GNA11: variants seen among roughly 807,000 people sequenced by gnomAD.
GNA11 encodes G protein subunit alpha 11.
A neutral mutation model predicts 38.2 loss-of-function variants in GNA11; 8 were observed. The observed-to-expected ratio is 0.21, with a 90% CI of 0.12 to 0.38. The LOEUF is 0.38. Among genes scored for constraint, GNA11 ranks in the 10% least tolerant of loss-of-function variants. The pLI is 1.00. For missense variants in GNA11, 268 were observed against 516.3 expected (o/e 0.52, Z 4.66); for synonymous variants, 211 against 221.4 (o/e 0.95, Z 0.42).
chr19:3,095,445 C>A (rs1171286859), intron 1 of GNA11, among the ~76,000 whole-genome samples: 2 of 152,006 alleles, frequency 1.3e-5, no homozygotes, highest in Non-Finnish European at 1.5e-5. Flanking sequence ...CTGCTCAGGG[C>A]CCCGCGTTGA....
intron 1 of GNA11, among the ~76,000 whole-genome samples, chr19:3,103,028 T>C (rs564510032): frequency 4.1e-4 from 62 of 152,278 alleles, no homozygotes; most frequent in Admixed American, 1.7e-3. Context: ...TGGTGGGGGC[T>C]TCCTGGCTTC....
Position 3,113,492 on chromosome 19 carries a change from C to T in GNA11, c.476+8C>T, listed in dbSNP as rs2145318982. The T allele has an allele frequency of 1.3e-5, 21 of 1,562,600 alleles. No homozygotes were observed. The highest frequency in any genetic ancestry group is 1.7e-5 in the Non-Finnish European group (20 of 1,152,990). ...CTCCGACTCTGCCAAGTAGTAAGTGCGGCCGCACCGCTGGCGGCCTGGGGA... is the reference window on the plus strand; with the variant it reads ...CTCCGACTCTGCCAAGTAGTAAGTGTGGCCGCACCGCTGGCGGCCTGGGGA... On this transcript the variant is annotated splice_region_variant and intron_variant, in intron 3 of 6. Transcript: ENST00000078429.
In GNA11 at chr19:3,110,783, G is replaced by GT. The variant is rs554795528; in HGVS notation, c.321+457dup. Reference sequence around the variant, plus strand: ...GCTGTACTTCTCACCTTCTCACACTGTTTTTTTGTTTTGTTTTGTTTTGTT... The same window carrying GT: ...GCTGTACTTCTCACCTTCTCACACTGTTTTTTTTGTTTTGTTTTGTTTTGTT... On this transcript the variant is annotated intron_variant, in intron 2 of 6. Transcript: ENST00000078429. The surrounding 1 kb of genome is among the most constrained non-coding windows in gnomAD (Gnocchi z 5.4). Among the ~76,000 whole-genome samples, 2 of 136,584 alleles carry GT rather than the reference G, an allele frequency of 1.5e-5. No individual in the cohort carries two copies. The highest frequency in any genetic ancestry group is 2.3e-4 in the South Asian group (1 of 4,398). 89.6% of individuals were successfully genotyped at this position (136,584 alleles called of 152,430 possible). A position where few individuals can be genotyped will look rare whatever the true frequency, so the allele number is the denominator to read the frequency against.
chr19:3,120,902 C>A lies in GNA11; in HGVS notation c.890-87C>A. On this transcript the variant is annotated intron_variant, in intron 6 of 6. Coordinates refer to ENST00000078429, the MANE Select transcript of GNA11 (RefSeq NM_002067.5). The surrounding 1 kb of genome is among the most constrained non-coding windows in gnomAD (Gnocchi z 5.9). ...CTGGGTGGGCCGTGGGCCTTACTCG[C>A]TCATCCCCTGGGAGTGACAAAGGGG... 9.9e-7 allele frequency: 1 copy of A among 1,010,868 alleles called. No individual in the cohort carries two copies. Among genetic ancestry groups the A allele is most frequent in the Non-Finnish European group, 1.5e-6 (1 of 678,398 alleles). 62.6% of individuals were successfully genotyped at this position (1,010,868 alleles called of 1,614,324 possible). A position where few individuals can be genotyped will look rare whatever the true frequency, so the allele number is the denominator to read the frequency against.
intron 3 of GNA11, 97 bp downstream of exon 3, chr19:3,113,581 CT>C (rs1366809826): frequency 1.2e-5 from 11 of 928,550 alleles, no homozygotes; most frequent in Non-Finnish European, 1.7e-5. Flanking sequence ...GTGGTGCCCC[CT>C]GCCTGCTCGC....
chr19:3,114,987 C>T lies in GNA11; in HGVS notation c.520C>T (p.Pro174Ser), dbSNP rs2145320807. The change falls in exon 4 of 7, where the codon CCC becomes TCC. Residue 174 changes from proline to serine, a missense_variant. By Grantham distance (74) the Pro-to-Ser change is moderately conservative. Coordinates refer to ENST00000078429, the MANE Select transcript of GNA11 (RefSeq NM_002067.5). ...VDRIATLGYL[P>S]TQQDVLRVRV... ...CCGCATCGCCACCTTGGGCTACCTG[C>T]CCACCCAGCAGGACGTGCTGCGGGT... 1 of 1,612,882 alleles carries T rather than the reference C, an allele frequency of 6.2e-7. No homozygotes were observed. Among genetic ancestry groups the T allele is most frequent in the Non-Finnish European group, 8.5e-7 (1 of 1,179,644 alleles).
At chr19:3,097,641 G>C (rs1175016729) in intron 1 of GNA11, among the ~76,000 whole-genome samples, 3 of 152,260 alleles carry the variant, frequency 2.0e-5, no homozygotes, top group Non-Finnish European at 4.4e-5. Flanking sequence ...AGCCTGGCGA[G>C]GACATTCCGT....
chr19:3,097,203 G>C (rs1913393194), intron 1 of GNA11, among the ~76,000 whole-genome samples: 1 of 147,736 alleles, frequency 6.8e-6, no homozygotes, highest in Non-Finnish European at 1.5e-5. Context: ...GGGCTGTTGG[G>C]CTGCAGCAGG....
In GNA11 at chr19:3,115,192, C is replaced by T. The variant is rs1913879528; in HGVS notation, c.605+120C>T. ...GCCAAGGCGGGAGGATCGCCTGAGT[C>T]CAGGAGTTTGAGACCACCCTGGGCA... On this transcript the variant is annotated intron_variant, in intron 4 of 6. Coordinates refer to ENST00000078429, the MANE Select transcript of GNA11 (RefSeq NM_002067.5). The T allele has an allele frequency of 2.5e-5, 30 of 1,208,704 alleles. 1 individual carries two copies. In the South Asian group the frequency reaches 4.1e-4, roughly 16 times the overall value. 74.9% of individuals were successfully genotyped at this position (1,208,704 alleles called of 1,614,324 possible).
chr19:3,106,090 G>A (rs1913632996), intron 1 of GNA11, among the ~76,000 whole-genome samples: 1 of 152,210 alleles, frequency 6.6e-6, no homozygotes, highest in African/African-American at 2.4e-5. Flanking sequence ...TGTGGCTGCA[G>A]GTGGGGCAGG....
rs888627445 is a variant in GNA11, at chr19:3,094,558, CGGCGGGCGGCGGCCGA to C, written c.-88_-73del. ...GCCGGTGGCCGAGGCCGGAGGGCCG[CGGCGGGCGGCGGCCGA>C]GGCGGCTCCGGCCAGGGCCGGGCCG... On this transcript the variant is annotated 5_prime_UTR_variant, in exon 1 of 7. Coordinates refer to ENST00000078429, the MANE Select transcript of GNA11 (RefSeq NM_002067.5). The surrounding 1 kb of genome is among the most constrained non-coding windows in gnomAD (Gnocchi z 6.0). The C allele has an allele frequency of 4.0e-5, 19 of 472,136 alleles. No individual in the cohort carries two copies. The highest frequency in any genetic ancestry group is 5.2e-5 in the Non-Finnish European group (19 of 367,558). The allele number at this position is 472,136 out of a possible 1,614,324, so 29.2% of individuals were successfully genotyped here. A position where few individuals can be genotyped will look rare whatever the true frequency, so the allele number is the denominator to read the frequency against.
chr19:3,100,803 G>A (rs553572277), intron 1 of GNA11, among the ~76,000 whole-genome samples: 1 of 152,220 alleles, frequency 6.6e-6, no homozygotes, highest in Non-Finnish European at 1.5e-5. Context: ...TCGGTCACGT[G>A]GGAAGGCTGT....
intron 1 of GNA11, among the ~76,000 whole-genome samples, chr19:3,105,720 A>C (rs1913624267): frequency 6.6e-6 from 1 of 152,222 alleles, no homozygotes; most frequent in Non-Finnish European, 1.5e-5. Context: ...CGGTGTGGTC[A>C]GTGGTCCATT....
rs1287719216 is a variant in GNA11, at chr19:3,108,423, T to G, written c.137-1726T>G. Among the ~76,000 whole-genome samples the G allele has an allele frequency of 4.0e-5, 6 of 151,746 alleles. No homozygotes were observed. The highest frequency in any genetic ancestry group is 7.4e-5 in the Non-Finnish European group (5 of 67,950). On this transcript the variant is annotated intron_variant, in intron 1 of 6. Transcript: ENST00000078429. This position sits in a 1 kb window ranked among gnomAD's most constrained non-coding sequence, Gnocchi z 4.5. ...GCACCAGGCAGCCTTTAGGCAGCTG[T>G]GATTGGAACAGCACTGTGGGCAGAG...
Position 3,123,891 on chromosome 19 carries a change from C to T in GNA11, c.*2712C>T, listed in dbSNP as rs1252113269. On this transcript the variant is annotated 3_prime_UTR_variant, in exon 7 of 7. Transcript: ENST00000078429. The stretch of plus-strand genomic sequence containing the variant: ...TGAGGAGCGGCTCAGTGTCACCTCC[C>T]ACAGCCACCGGCCCTGACCCTTAAT... 1.3e-5 allele frequency: 3 copies of T among 232,462 alleles called. No homozygotes were observed. Among genetic ancestry groups the T allele is most frequent in the Non-Finnish European group, 2.6e-5 (3 of 117,612 alleles). The allele number at this position is 232,462 out of a possible 1,614,324, so 14.4% of individuals were successfully genotyped here. A position where few individuals can be genotyped will look rare whatever the true frequency, so the allele number is the denominator to read the frequency against.
chr19:3,095,051 C>A (rs1812256033), intron 1 of GNA11, among the ~76,000 whole-genome samples: 1 of 151,868 alleles, frequency 6.6e-6, no homozygotes, highest in Non-Finnish European at 1.5e-5. Flanking sequence ...TCGTCTGGGT[C>A]GGCTCGGGAC....
chr19:3,115,317 A>T, intron 4 of GNA11: 1 of 435,200 alleles, frequency 2.3e-6, no homozygotes, highest in Non-Finnish European at 4.1e-6. Flanking sequence ...AGGCAGGAGG[A>T]TCGCTCAAGC....
At chr19:3,103,888 T>C (rs530545267) in intron 1 of GNA11, among the ~76,000 whole-genome samples, 1 of 152,140 alleles carries the variant, frequency 6.6e-6, no homozygotes, top group Admixed American at 6.5e-5. Context: ...GGTTTCACCG[T>C]GTTAGCCAGG....
chr19:3,104,452 C>T (rs1342923432), intron 1 of GNA11, among the ~76,000 whole-genome samples: 1 of 152,194 alleles, frequency 6.6e-6, no homozygotes, highest in Non-Finnish European at 1.5e-5. Flanking sequence ...GGCAGGCCCA[C>T]CAGGAACCAT....
Sources: allele counts gnomAD v4.1 joint callset (sites outside exome capture counted in the v4.1 genomes callset), GRCh38; gene constraint gnomAD v4.1.1; non-coding constraint Gnocchi (gnomAD v3.1); transcripts MANE v1.5; gene names NCBI Gene and HGNC (gene_info 2026-07-23, HGNC 2026-07-21).